The following LYPD1 variants were observed in gnomAD, a reference collection of about 807,000 sequenced individuals.
LYPD1 encodes LY6/PLAUR domain containing 1, also known as ly6/PLAUR domain-containing protein 1.
A neutral mutation model predicts 14.2 loss-of-function variants in LYPD1; 14 were observed. The observed-to-expected ratio is 0.99, with a 90% CI of 0.65 to 1.54. LYPD1 has a LOEUF of 1.54. LYPD1 is among the 40% of genes most tolerant of loss of function. LYPD1 has a pLI of 0.00. For missense variants in LYPD1, 165 were observed against 175.7 expected (o/e 0.94, Z 0.34); for synonymous variants, 85 against 70.6 (o/e 1.20, Z -1.02).
At chr2:132,646,489 CTG>C in intron 2 of LYPD1, 1 of 401,224 alleles carries the variant, frequency 2.5e-6, no homozygotes, top group East Asian at 3.6e-5. Flanking sequence ...TTTAACAAAA[CTG>C]TTCCAAAAGC....
At chr2:132,664,757 C>T (rs972731747) in intron 2 of LYPD1, among the ~76,000 whole-genome samples, 1 of 152,178 alleles carries the variant, frequency 6.6e-6, no homozygotes, top group African/African-American at 2.4e-5. Context: ...AGGAAAAACT[C>T]TAATTACAAG....
intron 2 of LYPD1, among the ~76,000 whole-genome samples, chr2:132,659,036 G>A (rs1682770225): frequency 6.6e-6 from 1 of 152,098 alleles, no homozygotes; most frequent in South Asian, 2.1e-4. Context: ...CTGACAAAAA[G>A]AACTATAAAA....
At position 132,643,549 on chromosome 2, in the gene LYPD1, T is replaced by C. The variant is rs1018281278; in HGVS notation, c.*2496A>G. On this transcript the variant is annotated 3_prime_UTR_variant, in exon 3 of 3. Coordinates refer to ENST00000397463, the MANE Select transcript of LYPD1 (RefSeq NM_144586.7). ...TTGGTTTATTGAGACAGTTTCACTC[T>C]GTCAGCCAGGCTGGAGTGCAGTGGC... Among the ~76,000 whole-genome samples the C allele has an allele frequency of 1.3e-5, 2 of 152,218 alleles. No individual in the cohort carries two copies. The highest frequency in any genetic ancestry group is 2.4e-5 in the African/African-American group (1 of 41,460).
chr2:132,646,058 G>C lies in LYPD1; in HGVS notation c.413C>G (p.Ser138Trp), dbSNP rs1180689577. ...TCTCCTTCAGCTTCAGCAGTGTGCC[G>C]AGAAGAGGGCTAATTTGAGGAACAG... is the stretch of plus-strand genomic sequence containing the variant. ...TILFLKLALF[S>W]AHC Residue 138 changes from serine (S) to tryptophan (W), a missense_variant, in exon 3 of 3, where the codon TCG becomes TGG. Physicochemically the swap from Ser to Trp is radical, Grantham distance 177. Coordinates refer to ENST00000397463, the MANE Select transcript of LYPD1 (RefSeq NM_144586.7). The C allele has an allele frequency of 2.5e-6, 4 of 1,576,694 alleles. No individual in the cohort carries two copies. The highest frequency in any genetic ancestry group is 4.6e-5 in the East Asian group (2 of 43,718).
chr2:132,655,578 C>T (rs928562347), intron 2 of LYPD1, among the ~76,000 whole-genome samples: 5 of 139,040 alleles, frequency 3.6e-5, no homozygotes, highest in African/African-American at 1.4e-4. Flanking sequence ...GCAGTGGCGC[C>T]ATCTGGGCTC....
intron 2 of LYPD1, among the ~76,000 whole-genome samples, chr2:132,653,010 C>T (rs1377164139): frequency 6.6e-6 from 1 of 152,166 alleles, no homozygotes; most frequent in Non-Finnish European, 1.5e-5. Context: ...CCCAAGAAAT[C>T]AGAATATTAA....
chr2:132,667,104 C>T (rs1321975831), intron 2 of LYPD1: 1 of 152,146 alleles, frequency 6.6e-6, no homozygotes, highest in Non-Finnish European at 1.5e-5. Flanking sequence ...CAAATTATCC[C>T]TATCAATCTT....
rs1681977010 is a variant in LYPD1, at chr2:132,645,030, TATTC to T, written c.*1011_*1014del. 1 of 1,507,328 alleles carries T rather than the reference TATTC, an allele frequency of 6.6e-7. No homozygotes were observed. Among genetic ancestry groups the T allele is most frequent in the African/African-American group, 1.4e-5 (1 of 72,016 alleles). The allele number at this position is 1,507,328 out of a possible 1,614,324, so 93.4% of individuals were successfully genotyped here. A position where few individuals can be genotyped will look rare whatever the true frequency, so the allele number is the denominator to read the frequency against. On this transcript the variant is annotated 3_prime_UTR_variant, in exon 3 of 3. Coordinates refer to ENST00000397463, the MANE Select transcript of LYPD1 (RefSeq NM_144586.7). ...AGAGGGGCTAAATATTTTATGGTTT[TATTC>T]ATTTACTGTGTTCTCATGCTGTGTT...
At chr2:132,671,027 C>T (rs1257474571), upstream of LYPD1, among the ~76,000 whole-genome samples, 1 of 152,186 alleles carries the variant, frequency 6.6e-6, no homozygotes, top group Non-Finnish European at 1.5e-5. Flanking sequence ...CAAACGCCAG[C>T]CGGCTCCATT....
chr2:132,670,234 A>C, upstream of LYPD1: 12 of 744,436 alleles, frequency 1.6e-5, no homozygotes, highest in South Asian at 2.4e-5. The surrounding 1 kb of genome is among the most constrained non-coding windows in gnomAD (Gnocchi z 4.5). Flanking sequence ...GCACCCACAA[A>C]AGTCTCGCCT....
rs376496582 is a variant in LYPD1 at position 132,669,915 on chromosome 2, G to A, written c.18C>T (p.Ile6=). MWVLG[I]AATFCGLFLL... is the part of the protein sequence containing the mutation. ...AGAACAATCCGCAAAAAGTTGCCGC[G>A]ATGCCTAGGACCCACATTCTCCCGG... The change falls in exon 1 of 3, where the codon ATC becomes ATT. Residue 6 remains isoleucine (I), a synonymous_variant. Transcript: ENST00000397463. This position sits in a 1 kb window ranked among gnomAD's most constrained non-coding sequence, Gnocchi z 4.3. 1.9e-6 allele frequency: 3 copies of A among 1,612,778 alleles called. No homozygotes were observed. Among genetic ancestry groups the A allele is most frequent in the East Asian group, 4.5e-5 (2 of 44,750 alleles).
intron 2 of LYPD1, chr2:132,646,517 T>C (rs927835971): frequency 2.9e-5 from 11 of 383,956 alleles, no homozygotes; most frequent in South Asian, 1.4e-4. Flanking sequence ...GAGATGCCAA[T>C]ACCTGTGAAT....
intron 2 of LYPD1, among the ~76,000 whole-genome samples, chr2:132,647,568 T>C (rs1428622733): frequency 6.6e-6 from 1 of 152,236 alleles, no homozygotes; most frequent in East Asian, 1.9e-4. Flanking sequence ...CCTGACCTTG[T>C]GATCCGCCTG....
chr2:132,645,053 CT>C lies in LYPD1; in HGVS notation c.*991del. The C allele has an allele frequency of 6.4e-7, 1 of 1,565,488 alleles. No individual in the cohort carries two copies. The highest frequency in any genetic ancestry group is 8.7e-7 in the Non-Finnish European group (1 of 1,153,022). On this transcript the variant is annotated 3_prime_UTR_variant, in exon 3 of 3. Coordinates refer to ENST00000397463, the MANE Select transcript of LYPD1 (RefSeq NM_144586.7). ...TTTATTCATTTACTGTGTTCTCATG[CT>C]GTGTTTTTCTTTTCTCTGTCTCTCC...
At position 132,645,808 on chromosome 2, in the gene LYPD1, G is replaced by A; in HGVS notation, c.*237C>T. The A allele has an allele frequency of 2.7e-6, 2 of 739,362 alleles. No individual in the cohort carries two copies. Among genetic ancestry groups the A allele is most frequent in the Non-Finnish European group, 4.3e-6 (2 of 467,046 alleles). The allele number at this position is 739,362 out of a possible 1,614,324, so 45.8% of individuals were successfully genotyped here. The stretch of plus-strand genomic sequence containing the variant: ...TGACTCCGGTTACACAGACATGGGG[G>A]TGAACTTTCACTCCACCTCCTTCCT... On this transcript the variant is annotated 3_prime_UTR_variant, in exon 3 of 3. Transcript: ENST00000397463.
In LYPD1 at chr2:132,643,777, C is replaced by T. The variant is rs1681919924; in HGVS notation, c.*2268G>A. On this transcript the variant is annotated 3_prime_UTR_variant, in exon 3 of 3. Coordinates refer to ENST00000397463, the MANE Select transcript of LYPD1 (RefSeq NM_144586.7). ...TTAAGTGATCCTTCTGCCTTGGCCT[C>T]CCAGAGTATTGAGATATCAGGCATG... 6.6e-6 allele frequency among the ~76,000 whole-genome samples: 1 copy of T among 152,148 alleles called. No homozygotes were observed. Among genetic ancestry groups the T allele is most frequent in the African/African-American group, 2.4e-5 (1 of 41,414 alleles).
chr2:132,663,357 T>C (rs1294350701), intron 2 of LYPD1, among the ~76,000 whole-genome samples: 1 of 152,218 alleles, frequency 6.6e-6, no homozygotes, highest in Non-Finnish European at 1.5e-5. Flanking sequence ...CATTACAACC[T>C]CCACCTCCCG....
At position 132,645,464 on chromosome 2, in the gene LYPD1, A is replaced by T. The variant is rs1379542906; in HGVS notation, c.*581T>A. 2 of 1,613,290 alleles carry T rather than the reference A, an allele frequency of 1.2e-6. No homozygotes were observed. The highest frequency in any genetic ancestry group is 1.7e-6 in the Non-Finnish European group (2 of 1,180,036). On this transcript the variant is annotated 3_prime_UTR_variant, in exon 3 of 3. Transcript: ENST00000397463. Reference sequence around the variant, plus strand: ...CAGTCCTCTGCAAGGAGAACTGAGAAGATTTTCTTAAGCACTTTTCAGAGC... The same window carrying T: ...CAGTCCTCTGCAAGGAGAACTGAGATGATTTTCTTAAGCACTTTTCAGAGC...
chr2:132,651,788 G>T (rs1159436589), intron 2 of LYPD1, among the ~76,000 whole-genome samples: 1 of 152,234 alleles, frequency 6.6e-6, no homozygotes, highest in Non-Finnish European at 1.5e-5. Flanking sequence ...TCTGCAGGGG[G>T]ATGTGTGTGC....
Sources: gnomAD v4.1 joint callset for allele counts (sites outside exome capture counted in the v4.1 genomes callset) on GRCh38, gnomAD v4.1.1 for gene constraint, Gnocchi (gnomAD v3.1) non-coding constraint, MANE v1.5 for transcripts, NCBI Gene and HGNC (gene_info 2026-07-23, HGNC 2026-07-21) for gene names.